Variants in MARCHF2 observed in about 807,000 individuals in gnomAD.
MARCHF2 encodes the protein E3 ubiquitin-protein ligase MARCHF2.
MARCHF2 carries 22 observed loss-of-function variants against 24.0 expected under a neutral mutation model. That is an observed-to-expected ratio of 0.92 (90% CI 0.66 to 1.31). The LOEUF is 1.31. Among genes scored for constraint, MARCHF2 ranks in the 50% most tolerant of loss-of-function variants. The probability of loss-of-function intolerance (pLI) is 0.00; values close to 1 mark genes in which losing one functional copy is unlikely to be tolerated. For missense variants in MARCHF2, 301 were observed against 335.3 expected (o/e 0.90, Z 0.80); for synonymous variants, 154 against 153.0 (o/e 1.01, Z -0.05).
Position 8,438,575 on chromosome 19 carries a change from A to G in MARCHF2, c.*29A>G. The G allele has an allele frequency of 6.2e-7, 1 of 1,608,900 alleles. No homozygotes were observed. The highest frequency in any genetic ancestry group is 8.5e-7 in the Non-Finnish European group (1 of 1,176,886). ...CTGGGCTCTCCGGACCCTGCAGCAG[A>G]GAGGCCAGAGGTAGCTGGTGATACC... On this transcript the variant is annotated 3_prime_UTR_variant, in exon 5 of 5. Transcript: ENST00000215555.
chr19:8,415,729 A>AG (rs1967062011), intron 1 of MARCHF2, among the ~76,000 whole-genome samples: 1 of 94,832 alleles, frequency 1.1e-5, no homozygotes, highest in Non-Finnish European at 2.2e-5. Flanking sequence ...CTCAAAAAAA[A>AG]AAAAACAAAA....
In MARCHF2 at chr19:8,421,894, C is replaced by G; in HGVS notation, c.54C>G (p.Gly18=). Residue 18 remains glycine, a synonymous_variant, in exon 2 of 5, where the codon GGC becomes GGG. Coordinates refer to ENST00000215555, the MANE Select transcript of MARCHF2 (RefSeq NM_001005415.2). ...CCGGCTCCCTGTGTGACTGCTCCGG[C>G]AGCCCTGCCTTCTCCAAGGTCGTGG... The part of the protein sequence containing the change: ...HLPGSLCDCS[G]SPAFSKVVEA... 1 of 1,613,672 alleles carries G rather than the reference C, an allele frequency of 6.2e-7. No homozygotes were observed. The highest frequency in any genetic ancestry group is 8.5e-7 in the Non-Finnish European group (1 of 1,179,840).
At chr19:8,426,342 C>T (rs1228051505) in intron 2 of MARCHF2, among the ~76,000 whole-genome samples, 1 of 151,136 alleles carries the variant, frequency 6.6e-6, no homozygotes, top group Non-Finnish European at 1.5e-5. Context: ...ATAACAGATG[C>T]CCATCTTGGG....
At chr19:8,433,948 C>T (rs1967647189) in intron 4 of MARCHF2, among the ~76,000 whole-genome samples, 1 of 151,868 alleles carries the variant, frequency 6.6e-6, no homozygotes, top group Non-Finnish European at 1.5e-5. Context: ...TTCTAGGCCT[C>T]TGGTAGGCAG....
At chr19:8,435,219 C>T (rs925353387) in intron 4 of MARCHF2, among the ~76,000 whole-genome samples, 1 of 151,866 alleles carries the variant, frequency 6.6e-6, no homozygotes, top group Admixed American at 6.6e-5. Context: ...AGGGTTTCAC[C>T]ATGTTGGCCA....
chr19:8,422,510 A>G (rs1967275438), intron 2 of MARCHF2, among the ~76,000 whole-genome samples: 1 of 151,422 alleles, frequency 6.6e-6, no homozygotes, highest in African/African-American at 2.4e-5. Flanking sequence ...TTCCTGCCTT[A>G]GCCACCCGAG....
intron 4 of MARCHF2, among the ~76,000 whole-genome samples, chr19:8,431,190 G>C (rs894345786): frequency 6.6e-6 from 1 of 151,970 alleles, no homozygotes; most frequent in Non-Finnish European, 1.5e-5. Context: ...AAGATAGTGG[G>C]GAAATATATA....
At chr19:8,423,803 C>G (rs1967318840) in intron 2 of MARCHF2, 1 of 151,938 alleles carries the variant, frequency 6.6e-6, no homozygotes, top group Non-Finnish European at 1.5e-5. Context: ...AGCTCAAGAC[C>G]AGCCTGGTCA....
intron 2 of MARCHF2, 49 bp from the exon 3 acceptor site, chr19:8,426,560 A>G (rs1400939243): frequency 1.3e-6 from 2 of 1,519,074 alleles, no homozygotes; most frequent in South Asian, 2.3e-5. Flanking sequence ...TGAAGCAGGT[A>G]TAGACAGAAA....
At chr19:8,431,218 G>T (rs998920513) in intron 4 of MARCHF2, among the ~76,000 whole-genome samples, 1 of 151,990 alleles carries the variant, frequency 6.6e-6, no homozygotes, top group Non-Finnish European at 1.5e-5. Context: ...AGAAATTGAG[G>T]CTGGGCATGG....
intron 1 of MARCHF2, among the ~76,000 whole-genome samples, chr19:8,421,098 C>T (rs892772940): frequency 6.6e-6 from 1 of 151,598 alleles, no homozygotes; most frequent in Non-Finnish European, 1.5e-5. Flanking sequence ...CACACCTGGC[C>T]AGGCCTAGCT....
At chr19:8,436,050 G>A (rs1175028972) in intron 4 of MARCHF2, among the ~76,000 whole-genome samples, 2 of 151,986 alleles carry the variant, frequency 1.3e-5, no homozygotes, top group African/African-American at 2.4e-5. Flanking sequence ...GGTGGAGACC[G>A]GGTTTTGCCA....
intron 3 of MARCHF2, among the ~76,000 whole-genome samples, chr19:8,428,668 A>C (rs1196768101): frequency 9.5e-5 from 14 of 147,834 alleles, no homozygotes; most frequent in Admixed American, 4.7e-4. Context: ...AAAAAAAAAA[A>C]AAAAAAAAAA....
intron 3 of MARCHF2, among the ~76,000 whole-genome samples, chr19:8,429,520 T>TATTATTATTA: frequency 6.9e-6 from 1 of 145,630 alleles, no homozygotes; most frequent in Non-Finnish European, 1.5e-5. Context: ...TTATTATTAT[T>TATTATTATTA]TTGAGACAGA....
At position 8,429,788 on chromosome 19, in the gene MARCHF2, A is replaced by G. The variant is rs562056232; in HGVS notation, c.373-870A>G. 2.9e-3 allele frequency among the ~76,000 whole-genome samples: 418 copies of G among 142,576 alleles called. 2 individuals are homozygous for G. The highest frequency in any genetic ancestry group is 0.01 in the African/African-American group (397 of 38,368). The allele number at this position is 142,576 out of a possible 152,430, so 93.5% of individuals were successfully genotyped here. On this transcript the variant is annotated intron_variant, in intron 3 of 4. Transcript: ENST00000215555. ...CAAAGTGCTAGGATTACAGACGTGA[A>G]CCACCACACCAGGGCTTTTTTTTTT... is the stretch of plus-strand genomic sequence containing the variant.
intron 4 of MARCHF2, among the ~76,000 whole-genome samples, chr19:8,437,157 T>C (rs957520789): frequency 6.6e-6 from 1 of 152,002 alleles, no homozygotes; most frequent in Non-Finnish European, 1.5e-5. Context: ...TTTTTAAATA[T>C]TTGGTAGAGA....
chr19:8,415,388 G>A (rs1301318732), intron 1 of MARCHF2, among the ~76,000 whole-genome samples: 1 of 139,458 alleles, frequency 7.2e-6, no homozygotes, highest in Non-Finnish European at 1.5e-5. Context: ...TTGAGACCCT[G>A]CCTCAAAAGA....
rs980631908 is a variant in MARCHF2, at chr19:8,416,850, G to A, written c.-53+3430G>A. ...CAAAGTGTTGGGATTACAGGCATGA[G>A]CCAATGCGCCAGGCCCCAGACAGCA... On this transcript the variant is annotated intron_variant, in intron 1 of 4. Transcript: ENST00000215555. 2.4e-4 allele frequency among the ~76,000 whole-genome samples: 37 copies of A among 152,252 alleles called. 1 individual carries two copies. Among genetic ancestry groups the A allele is most frequent in the Admixed American group, 1.9e-3 (29 of 15,268 alleles).
At chr19:8,414,736 G>C (rs568873063) in intron 1 of MARCHF2, among the ~76,000 whole-genome samples, 14 of 152,186 alleles carry the variant, frequency 9.2e-5, no homozygotes, top group African/African-American at 2.9e-4. Flanking sequence ...AGACTGGGGG[G>C]CCTCAGTGCC....
Sources: gnomAD v4.1 joint callset for allele counts (sites outside exome capture counted in the v4.1 genomes callset) on GRCh38, gnomAD v4.1.1 for gene constraint, MANE v1.5 for transcripts, NCBI Gene and HGNC (gene_info 2026-07-23, HGNC 2026-07-21) for gene names.